The following EEIG2 variants were observed in gnomAD, a reference collection of about 807,000 sequenced individuals.
EEIG2 encodes the protein EEIG family member 2, also known as family with sequence similarity 102 member B.
At chr1:108,573,885 A>G in the EEIG2 span, among the ~76,000 whole-genome samples, 3 of 152,226 alleles carry the variant, frequency 2.0e-5, no homozygotes, top group African/African-American at 7.2e-5. Flanking sequence ...AAACAAAAAA[A>G]TAACAAGTGT....
chr1:108,635,531 A>G, the EEIG2 span: 15 of 169,280 alleles, frequency 8.9e-5, no homozygotes, highest in Non-Finnish European at 1.6e-4. Context: ...TTTGGGCTCT[A>G]TGGTTTGGTT....
the EEIG2 span, among the ~76,000 whole-genome samples, chr1:108,604,463 A>G: frequency 6.6e-5 from 10 of 152,126 alleles, no homozygotes; most frequent in African/African-American, 2.2e-4. Context: ...TTCTGTTACT[A>G]TGGAGTGGGG....
chr1:108,620,188 A>G, the EEIG2 span, among the ~76,000 whole-genome samples: 172 of 152,344 alleles, frequency 1.1e-3, no homozygotes, highest in Non-Finnish European at 1.1e-3. Context: ...GCTTTTGTCT[A>G]TCTTTAAATT....
the EEIG2 span, among the ~76,000 whole-genome samples, chr1:108,597,767 A>G: frequency 1.3e-5 from 2 of 152,226 alleles, no homozygotes; most frequent in Admixed American, 1.3e-4. Flanking sequence ...AGCAGAGGCT[A>G]ATACATGCAC....
chr1:108,628,913 G>A, the EEIG2 span: 1 of 926,658 alleles, frequency 1.1e-6, no homozygotes, highest in Admixed American at 2.8e-5. Flanking sequence ...TTGCATATTT[G>A]TATAGTAAAT....
the EEIG2 span, among the ~76,000 whole-genome samples, chr1:108,594,410 AG>A: frequency 6.6e-6 from 1 of 152,190 alleles, no homozygotes; most frequent in East Asian, 1.9e-4. Context: ...GGGACTGAAA[AG>A]TAACTGGGAG....
chr1:108,576,122 C>T, the EEIG2 span, among the ~76,000 whole-genome samples: 1 of 152,186 alleles, frequency 6.6e-6, no homozygotes, highest in Non-Finnish European at 1.5e-5. Flanking sequence ...GCTGGGACCA[C>T]AGGCACACAC....
the EEIG2 span, among the ~76,000 whole-genome samples, chr1:108,561,777 T>C: frequency 6.6e-6 from 1 of 152,256 alleles, no homozygotes; most frequent in Non-Finnish European, 1.5e-5. Flanking sequence ...AAAAAAAATA[T>C]TGGACCATCT....
At chr1:108,604,583 G>C in the EEIG2 span, among the ~76,000 whole-genome samples, 1 of 152,114 alleles carries the variant, frequency 6.6e-6, no homozygotes, top group African/African-American at 2.4e-5. Flanking sequence ...ATAAAACCAG[G>C]CAATTGTGGT....
At chr1:108,605,934 G>T in the EEIG2 span, among the ~76,000 whole-genome samples, 1 of 152,072 alleles carries the variant, frequency 6.6e-6, no homozygotes, top group Non-Finnish European at 1.5e-5. Context: ...TCAGGTTTTT[G>T]CAGTGAGTCC....
the EEIG2 span, chr1:108,560,594 C>T: frequency 1.9e-6 from 3 of 1,602,172 alleles, no homozygotes; most frequent in Non-Finnish European, 2.5e-6. Context: ...CGCCTCGCCC[C>T]TTTCTGCTTG....
At chr1:108,581,216 G>GA in the EEIG2 span, among the ~76,000 whole-genome samples, 3 of 150,750 alleles carry the variant, frequency 2.0e-5, no homozygotes, top group Non-Finnish European at 3.0e-5. Flanking sequence ...CTACTGCTCA[G>GA]AAAAAAAAAG....
At chr1:108,601,843 T>C in the EEIG2 span, among the ~76,000 whole-genome samples, 1 of 152,206 alleles carries the variant, frequency 6.6e-6, no homozygotes, top group Non-Finnish European at 1.5e-5. Flanking sequence ...GATAGTGTGC[T>C]CTGTTGCCTA....
the EEIG2 span, among the ~76,000 whole-genome samples, chr1:108,574,572 G>A: frequency 1.7e-4 from 26 of 152,178 alleles, no homozygotes; most frequent in Admixed American, 1.7e-3. Context: ...CCAACATGGT[G>A]AAACCCCGTG....
the EEIG2 span, among the ~76,000 whole-genome samples, chr1:108,615,676 G>T: frequency 9.7e-3 from 1,472 of 151,582 alleles, 15 homozygotes; most frequent in African/African-American, 0.034. Flanking sequence ...CAGCTACTCA[G>T]AAGGCTGAGA....
the EEIG2 span, among the ~76,000 whole-genome samples, chr1:108,581,804 C>T: frequency 6.6e-6 from 1 of 152,266 alleles, no homozygotes; most frequent in East Asian, 1.9e-4. Context: ...AAACTCACAG[C>T]AAAGGATTTA....
At chr1:108,607,407 T>A in the EEIG2 span, among the ~76,000 whole-genome samples, 1 of 152,186 alleles carries the variant, frequency 6.6e-6, no homozygotes. Flanking sequence ...CGTAAACTAG[T>A]TGTGGGCAAT....
At chr1:108,624,352 C>T in the EEIG2 span, among the ~76,000 whole-genome samples, 1 of 151,480 alleles carries the variant, frequency 6.6e-6, no homozygotes, top group East Asian at 1.9e-4. Flanking sequence ...GCAACCCTCC[C>T]TTGACCAGTG....
chr1:108,571,090 A>G, the EEIG2 span, among the ~76,000 whole-genome samples: 1 of 152,224 alleles, frequency 6.6e-6, no homozygotes, highest in African/African-American at 2.4e-5. Context: ...GATAGCCAGA[A>G]TGATTGCAGG....
Sources: allele counts gnomAD v4.1 joint callset (sites outside exome capture counted in the v4.1 genomes callset), GRCh38; gene constraint gnomAD v4.1.1; transcripts MANE v1.5; gene names NCBI Gene and HGNC (gene_info 2026-07-23, HGNC 2026-07-21).